The following CENPV variants were observed in gnomAD, a reference collection of about 807,000 sequenced individuals.
The protein encoded by CENPV is nuclear protein p30.
CENPV carries 15 observed loss-of-function variants against 26.4 expected under a neutral mutation model. That is an observed-to-expected ratio of 0.57 (90% CI 0.38 to 0.88). The LOEUF is 0.88. Among genes scored for constraint, CENPV ranks in the 40% least tolerant of loss-of-function variants. The probability of loss-of-function intolerance (pLI) is 0.00; values close to 1 mark genes in which losing one functional copy is unlikely to be tolerated. For missense variants in CENPV, 336 were observed against 376.5 expected (o/e 0.89, Z 0.89); for synonymous variants, 172 against 165.5 (o/e 1.04, Z -0.30).
In CENPV at chr17:16,353,431, C is replaced by T. The variant is rs2093236195; in HGVS notation, c.6G>A (p.Arg2=). The T allele has an allele frequency of 5.0e-5, 57 of 1,150,660 alleles. No individual in the cohort carries two copies. In the South Asian group the frequency reaches 1.8e-3, roughly 36 times the overall value. 71.3% of individuals were successfully genotyped at this position (1,150,660 alleles called of 1,614,324 possible). A position where few individuals can be genotyped will look rare whatever the true frequency, so the allele number is the denominator to read the frequency against. The change falls in exon 1 of 5, where the codon CGG becomes CGA. Residue 2 remains arginine, a synonymous_variant. Transcript: ENST00000299736. M[R]RSRSSAAAKL... ...TGGCGGCCGCAGAGCTCCTCGATCGCCGCATGGCTCCCGCAGCCTGGCGCG... is the reference window on the plus strand; with the variant it reads ...TGGCGGCCGCAGAGCTCCTCGATCGTCGCATGGCTCCCGCAGCCTGGCGCG...
At chr17:16,345,194 C>A (rs1343197344) in intron 3 of CENPV, among the ~76,000 whole-genome samples, 1 of 147,076 alleles carries the variant, frequency 6.8e-6, no homozygotes, top group Middle Eastern at 3.7e-3. Flanking sequence ...CCTGGAAGGC[C>A]GAGCTTGCAG....
rs1249009959 is a variant in CENPV, at chr17:16,342,763, G to A, written c.*54C>T. On this transcript the variant is annotated 3_prime_UTR_variant, in exon 5 of 5. Coordinates refer to ENST00000299736, the MANE Select transcript of CENPV (RefSeq NM_181716.3). ...GCACCACCGAGGCACGGCAGGGAGA[G>A]CAAAGTTGCTGGCCCCAATCATTCC... The A allele has an allele frequency of 9.9e-6, 16 of 1,611,078 alleles. No individual in the cohort carries two copies. Among genetic ancestry groups the A allele is most frequent in the Non-Finnish European group, 1.4e-5 (16 of 1,177,898 alleles).
At chr17:16,347,195 A>C (rs2093210652) in intron 3 of CENPV, among the ~76,000 whole-genome samples, 1 of 152,168 alleles carries the variant, frequency 6.6e-6, no homozygotes, top group African/African-American at 2.4e-5. Context: ...GAGGGATCCA[A>C]GAAACAGTGG....
chr17:16,347,292 C>A (rs2093211211), intron 3 of CENPV, among the ~76,000 whole-genome samples: 1 of 152,150 alleles, frequency 6.6e-6, no homozygotes, highest in Admixed American at 6.6e-5. Context: ...GCTTCCCCAG[C>A]CATACCGTCC....
Position 16,353,187 on chromosome 17 carries a change from C to T in CENPV, c.250G>A (p.Ala84Thr). 6.5e-6 allele frequency: 9 copies of T among 1,386,210 alleles called. No homozygotes were observed. Among genetic ancestry groups the T allele is most frequent in the Non-Finnish European group, 7.4e-6 (8 of 1,075,262 alleles). 85.9% of individuals were successfully genotyped at this position (1,386,210 alleles called of 1,614,324 possible). A position where few individuals can be genotyped will look rare whatever the true frequency, so the allele number is the denominator to read the frequency against. Residue 84 changes from alanine (A) to threonine (T), a missense_variant, in exon 1 of 5, where the codon GCG (alanine) becomes ACG (threonine). By Grantham distance (58) the Ala-to-Thr change is moderately conservative. Coordinates refer to ENST00000299736, the MANE Select transcript of CENPV (RefSeq NM_181716.3). ...GGCGGCGGCGGTGGCGGGAGCAACG[C>T]CAGCTCAGGCGGCGGCGGCTCCCCC... Reference protein sequence around the residue: ...GPGEPPPPELALLPPPPPPPP... With the variant: ...GPGEPPPPELTLLPPPPPPPP...
Position 16,348,754 on chromosome 17 carries a change from G to C in CENPV, c.510-69C>G, listed in dbSNP as rs1381013535. ...GCATCCTCTATGCCTGAGCGGCCCA[G>C]CCATGAGAGCCAGCCGACCCCACAG... is the stretch of plus-strand genomic sequence containing the variant. On this transcript the variant is annotated intron_variant, in intron 2 of 4. Coordinates refer to ENST00000299736, the MANE Select transcript of CENPV (RefSeq NM_181716.3). 5.6e-6 allele frequency: 9 copies of C among 1,601,820 alleles called. No homozygotes were observed. In the South Asian group the frequency reaches 1.0e-4, roughly 18 times the overall value.
chr17:16,342,829 C>T lies in CENPV; in HGVS notation c.807G>A (p.Met269Ile). ...AMKEHKTIKN[M>I]SKE ...GAGAGGCAGAAGCTCACTCTTTAGA[C>T]ATGTTCTTGATGGTCTTGTGCTCTT... Residue 269 changes from methionine (M) to isoleucine (I), a missense_variant, in exon 5 of 5, where the codon ATG (methionine) becomes ATA (isoleucine). Around this residue, in one of 2 missense-constraint regions of CENPV, gnomAD observed 155 missense variants for 227.8 expected, o/e 0.68. Coordinates refer to ENST00000299736, the MANE Select transcript of CENPV (RefSeq NM_181716.3). The T allele has an allele frequency of 6.2e-7, 1 of 1,614,122 alleles. No homozygotes were observed. Among genetic ancestry groups the T allele is most frequent in the Non-Finnish European group, 8.5e-7 (1 of 1,180,046 alleles).
intron 4 of CENPV, among the ~76,000 whole-genome samples, chr17:16,343,579 T>C (rs2093191925): frequency 6.6e-6 from 1 of 152,146 alleles, no homozygotes; most frequent in Non-Finnish European, 1.5e-5. Context: ...TGAGCCACCA[T>C]GCCTGGCCTC....
At chr17:16,344,408 A>G (rs970266434) in intron 4 of CENPV, 189 bp downstream of exon 4, 3 of 350,464 alleles carry the variant, frequency 8.6e-6, no homozygotes, top group Non-Finnish European at 1.5e-5. Flanking sequence ...TGGGATTCAG[A>G]AAAGTTTCAC....
intron 4 of CENPV, among the ~76,000 whole-genome samples, chr17:16,343,771 A>G (rs1312244768): frequency 2.9e-5 from 3 of 102,032 alleles, no homozygotes; most frequent in Admixed American, 9.4e-5. Context: ...TGCCTCCCCC[A>G]CCTCCCCTGT....
chr17:16,348,537 A>G (rs2093216975), intron 3 of CENPV, 79 bp downstream of exon 3: 1 of 1,597,816 alleles, frequency 6.3e-7, no homozygotes, highest in Non-Finnish European at 8.6e-7. Flanking sequence ...TACAGACGGC[A>G]TGCTAACAGT....
intron 4 of CENPV, among the ~76,000 whole-genome samples, chr17:16,343,902 A>G (rs183776241): frequency 6.6e-5 from 10 of 152,190 alleles, no homozygotes; most frequent in Admixed American, 4.6e-4. Context: ...TTCCCCTTCA[A>G]TTCACACTAT....
intron 1 of CENPV, chr17:16,350,770 G>A (rs2093225410): frequency 6.6e-6 from 1 of 152,170 alleles, no homozygotes; most frequent in African/African-American, 2.4e-5. Context: ...TTGTGATAAA[G>A]GAGGTACAGG....
chr17:16,344,793 C>CTCTGTCTCAATAA, intron 3 of CENPV, 82 bp from the exon 4 acceptor site: 1 of 776,832 alleles, frequency 1.3e-6, no homozygotes, highest in South Asian at 2.2e-5. Flanking sequence ...TTTATTGAGA[C>CTCTGTCTCAATAA]AGAGTCTCCC....
Position 16,353,240 on chromosome 17 carries a change from G to A in CENPV, c.197C>T (p.Ser66Leu), listed in dbSNP as rs757487167. Residue 66 changes from serine (S) to leucine (L), a missense_variant, in exon 1 of 5, where the codon TCG (serine) becomes TTG (leucine). By Grantham distance (145) the Ser-to-Leu change is moderately radical. Transcript: ENST00000299736. ...GCCCTCCTCCTGGGCCCGCGGCGACGAGCGCCTCAGCCGCGGCTTCTCCGA... is the reference window on the plus strand; with the variant it reads ...GCCCTCCTCCTGGGCCCGCGGCGACAAGCGCCTCAGCCGCGGCTTCTCCGA... ...PPSEKPRLRR[S>L]SPRAQEEGPG... 5.7e-6 allele frequency: 8 copies of A among 1,402,100 alleles called. No homozygotes were observed. The highest frequency in any genetic ancestry group is 6.5e-6 in the Non-Finnish European group (7 of 1,079,730). The allele number at this position is 1,402,100 out of a possible 1,614,324, so 86.9% of individuals were successfully genotyped here.
intron 2 of CENPV, chr17:16,349,046 A>G (rs755445896): frequency 1.1e-4 from 105 of 999,704 alleles, no homozygotes; most frequent in Non-Finnish European, 1.2e-4. Flanking sequence ...AGACATCCAC[A>G]CCAAAAATGG....
At chr17:16,346,768 G>C (rs1377732752) in intron 3 of CENPV, among the ~76,000 whole-genome samples, 1 of 151,644 alleles carries the variant, frequency 6.6e-6, no homozygotes, top group Non-Finnish European at 1.5e-5. Flanking sequence ...GTTAAGCAAG[G>C]TATAAAACAA....
intron 3 of CENPV, among the ~76,000 whole-genome samples, chr17:16,346,515 C>T (rs2093207011): frequency 6.6e-6 from 1 of 152,080 alleles, no homozygotes; most frequent in African/African-American, 2.4e-5. Context: ...CTTTGGGAGG[C>T]CAAGGTGGGC....
At chr17:16,348,365 C>T (rs2093216118) in intron 3 of CENPV, 1 of 784,650 alleles carries the variant, frequency 1.3e-6, no homozygotes, top group Admixed American at 3.6e-5. Flanking sequence ...CCATGTTGGC[C>T]AGGCTGGTCC....
Sources: gnomAD v4.1 joint callset for allele counts (sites outside exome capture counted in the v4.1 genomes callset) on GRCh38, gnomAD v4.1.1 for gene constraint, gnomAD v4.1.1 regional missense constraint, MANE v1.5 for transcripts, NCBI Gene and HGNC (gene_info 2026-07-23, HGNC 2026-07-21) for gene names.